The following HS3ST4 variants were observed in gnomAD, a reference collection of about 807,000 sequenced individuals.
HS3ST4 encodes the protein heparan sulfate-glucosamine 3-sulfotransferase 4, also known as heparan sulfate glucosamine 3-O-sulfotransferase 4.
In HS3ST4, 17 loss-of-function variants were observed where a neutral mutation model predicts 29.2. The observed-to-expected ratio is 0.58, with a 90% confidence interval of 0.40 to 0.87. The LOEUF (loss-of-function observed/expected upper bound fraction) is 0.87. Ranked by LOEUF, HS3ST4 falls within the 40% of genes least tolerant of loss-of-function variation. The probability of loss-of-function intolerance (pLI) is 0.00; values close to 1 mark genes in which losing one functional copy is unlikely to be tolerated. For synonymous variants in HS3ST4, 314 were observed against 285.7 expected, an observed-to-expected ratio of 1.10 and a Z score of -1.00; for missense variants, 627 against 634.5, an observed-to-expected ratio of 0.99 and a Z score of 0.13.
chr16:26,113,559 C>T (rs1024049443), intron 1 of HS3ST4, among the ~76,000 whole-genome samples: 2 of 150,448 alleles, frequency 1.3e-5, no homozygotes, highest in Admixed American at 1.3e-4. Flanking sequence ...ATTTTAGTCT[C>T]CAGGCTGATT....
chr16:25,895,740 AAGAGAG>A (rs71738802), intron 1 of HS3ST4, among the ~76,000 whole-genome samples: 25 of 149,144 alleles, frequency 1.7e-4, no homozygotes, highest in African/African-American at 5.5e-4. Context: ...GAAAGAGGGA[AAGAGAG>A]AGAGAGAGAG....
Position 25,845,714 on chromosome 16 carries a change from A to G in HS3ST4, c.734+152563A>G, listed in dbSNP as rs534470881. ...TTCCCTACTCTCTCAAAGCCTGGAT[A>G]TTGTATTTCTTTCTTTCATTCTCTT... is the stretch of plus-strand genomic sequence containing the variant. On this transcript the variant is annotated intron_variant, in intron 1 of 1. Transcript: ENST00000331351. Among the ~76,000 whole-genome samples, 172 of 151,344 alleles carry G rather than the reference A, an allele frequency of 1.1e-3. 1 individual carries two copies. The highest frequency in any genetic ancestry group is 3.9e-3 in the African/African-American group (162 of 41,312).
chr16:26,018,855 C>CAAACA (rs1251255185), intron 1 of HS3ST4, among the ~76,000 whole-genome samples: 1 of 151,392 alleles, frequency 6.6e-6, no homozygotes, highest in Non-Finnish European at 1.5e-5. Context: ...AAATCACTAC[C>CAAACA]AAACAAAACA....
chr16:25,947,502 T>C (rs1165330191), intron 1 of HS3ST4, among the ~76,000 whole-genome samples: 1 of 152,198 alleles, frequency 6.6e-6, no homozygotes, highest in Non-Finnish European at 1.5e-5. Flanking sequence ...GTCTCATTTA[T>C]TTGTTTCTTA....
At chr16:25,811,236 C>T (rs1011282968) in intron 1 of HS3ST4, among the ~76,000 whole-genome samples, 2 of 151,990 alleles carry the variant, frequency 1.3e-5, no homozygotes, top group Non-Finnish European at 2.9e-5. Flanking sequence ...ATCTGCTCCA[C>T]CTCTTCCACC....
intron 1 of HS3ST4, among the ~76,000 whole-genome samples, chr16:26,023,732 T>A (rs1969438981): frequency 6.6e-6 from 1 of 152,032 alleles, no homozygotes. Context: ...ATAAAGGAGC[T>A]CTCCTACCTA....
chr16:25,958,623 G>A (rs570649861), intron 1 of HS3ST4, among the ~76,000 whole-genome samples: 5 of 152,284 alleles, frequency 3.3e-5, no homozygotes, highest in East Asian at 3.9e-4. Context: ...GAGCCACTGC[G>A]CCTGGCCAGA....
chr16:25,880,823 G>A (rs1427414217), intron 1 of HS3ST4, among the ~76,000 whole-genome samples: 2 of 152,222 alleles, frequency 1.3e-5, no homozygotes, highest in Admixed American at 1.3e-4. Flanking sequence ...TTGCTTGTAT[G>A]TCTTTTAAAT....
chr16:25,886,053 G>A (rs1478267054), intron 1 of HS3ST4, among the ~76,000 whole-genome samples: 2 of 44,760 alleles, frequency 4.5e-5, no homozygotes, highest in Admixed American at 7.0e-4. Flanking sequence ...TTTTTTTTGA[G>A]ACAGAGTCTC....
Position 25,791,573 on chromosome 16 carries a change from C to T in HS3ST4, c.734+98422C>T, listed in dbSNP as rs28803780. On this transcript the variant is annotated intron_variant, in intron 1 of 1. Coordinates refer to ENST00000331351, the MANE Select transcript of HS3ST4 (RefSeq NM_006040.3). Reference sequence around the variant, plus strand: ...TATAACCTTTCATTTATTAAAGTGTCTTTTAATTTATCTCAATAATATTTT... The same window carrying T: ...TATAACCTTTCATTTATTAAAGTGTTTTTTAATTTATCTCAATAATATTTT... Among the ~76,000 whole-genome samples the T allele has an allele frequency of 4.2e-3, 634 of 152,072 alleles. 4 individuals are homozygous for T. Among genetic ancestry groups the T allele is most frequent in the African/African-American group, 0.014 (597 of 41,532 alleles).
In HS3ST4 at chr16:26,137,174, G is replaced by A. The variant is rs1898295438; in HGVS notation, c.*926G>A. On this transcript the variant is annotated 3_prime_UTR_variant, in exon 2 of 2. Coordinates refer to ENST00000331351, the MANE Select transcript of HS3ST4 (RefSeq NM_006040.3). ...CTTACCTGAAGACCATCTCTCCCAA[G>A]CACTGTAGTTCTGAGCATGTTTTTG... is the stretch of plus-strand genomic sequence containing the variant. The A allele has an allele frequency of 6.6e-6, 1 of 152,100 alleles. No individual in the cohort carries two copies. The highest frequency in any genetic ancestry group is 6.5e-5 in the Admixed American group (1 of 15,278). 9.4% of individuals were successfully genotyped at this position (152,100 alleles called of 1,614,324 possible). A position where few individuals can be genotyped will look rare whatever the true frequency, so the allele number is the denominator to read the frequency against.
chr16:25,706,853 G>T lies in HS3ST4; in HGVS notation c.734+13702G>T, dbSNP rs116035004. On this transcript the variant is annotated intron_variant, in intron 1 of 1. Coordinates refer to ENST00000331351, the MANE Select transcript of HS3ST4 (RefSeq NM_006040.3). The stretch of plus-strand genomic sequence containing the variant: ...AATTCCAAGGAATTGTATACAGAAG[G>T]CTTCTCTTATCCGCAGTTTCACTTT... Among the ~76,000 whole-genome samples the T allele has an allele frequency of 9.3e-4, 142 of 152,292 alleles. 1 individual carries two copies. Among genetic ancestry groups the T allele is most frequent in the African/African-American group, 3.3e-3 (136 of 41,562 alleles).
chr16:25,812,990 G>A (rs963180024), intron 1 of HS3ST4, among the ~76,000 whole-genome samples: 1 of 152,110 alleles, frequency 6.6e-6, no homozygotes, highest in Admixed American at 6.5e-5. Flanking sequence ...GGTAGGTGTG[G>A]TTACAGATAT....
chr16:26,076,957 C>A lies in HS3ST4; in HGVS notation c.735-58655C>A, dbSNP rs981416067. On this transcript the variant is annotated intron_variant, in intron 1 of 1. Transcript: ENST00000331351. ...GGGAACACTCTTTATCTTGGTGTTG[C>A]AGCTAGCTAGTGCTGCATAACAAAA... Among the ~76,000 whole-genome samples the A allele has an allele frequency of 3.9e-5, 6 of 152,222 alleles. No homozygotes were observed. In the South Asian group the frequency reaches 1.0e-3, roughly 26 times the overall value.
intron 1 of HS3ST4, among the ~76,000 whole-genome samples, chr16:26,098,206 C>T (rs1567311754): frequency 6.6e-6 from 1 of 152,128 alleles, no homozygotes; most frequent in Non-Finnish European, 1.5e-5. Flanking sequence ...ACTAGAAATA[C>T]CATTTGACCC....
At chr16:26,043,615 T>C (rs919108047) in intron 1 of HS3ST4, among the ~76,000 whole-genome samples, 2 of 152,184 alleles carry the variant, frequency 1.3e-5, no homozygotes, top group Admixed American at 6.5e-5. Flanking sequence ...CATGTGAGAA[T>C]TGTAACCACA....
At chr16:25,972,229 G>A (rs1352604975) in intron 1 of HS3ST4, among the ~76,000 whole-genome samples, 1 of 152,184 alleles carries the variant, frequency 6.6e-6, no homozygotes, top group Middle Eastern at 3.2e-3. Context: ...GCGGTTGTAT[G>A]GGCTAGCTAT....
At chr16:25,853,308 GTGTGTA>G (rs1404679432) in intron 1 of HS3ST4, among the ~76,000 whole-genome samples, 15 of 107,044 alleles carry the variant, frequency 1.4e-4, no homozygotes, top group Non-Finnish European at 2.7e-4. Context: ...GTGTGTGTGT[GTGTGTA>G]TATATATATA....
At chr16:26,026,331 A>G (rs1969473050) in intron 1 of HS3ST4, among the ~76,000 whole-genome samples, 1 of 152,216 alleles carries the variant, frequency 6.6e-6, no homozygotes, top group African/African-American at 2.4e-5. Flanking sequence ...TGGTCACAAC[A>G]GAAAGCTCTG....
Sources: gnomAD v4.1 joint callset for allele counts (sites outside exome capture counted in the v4.1 genomes callset) on GRCh38, gnomAD v4.1.1 for gene constraint, MANE v1.5 for transcripts, NCBI Gene and HGNC (gene_info 2026-07-23, HGNC 2026-07-21) for gene names.